The following AKT3 variants were observed in gnomAD, a reference collection of about 807,000 sequenced individuals.
AKT3 encodes the protein AKT serine/threonine kinase 3.
AKT3 carries 15 observed loss-of-function variants against 65.3 expected under a neutral mutation model. The observed-to-expected ratio is 0.23, with a 90% CI of 0.15 to 0.35. The LOEUF is 0.35. Ranked by LOEUF, AKT3 falls within the 10% of genes least tolerant of loss-of-function variation. The pLI is 1.00. For missense variants in AKT3, 243 were observed against 576.5 expected, an observed-to-expected ratio of 0.42 and a Z score of 5.92; for synonymous variants, 206 against 183.8, an observed-to-expected ratio of 1.12 and a Z score of -0.98.
chr1:243,695,828 A>C, intron 2 of AKT3, 112 bp from the exon 3 acceptor site: 1 of 901,800 alleles, frequency 1.1e-6, no homozygotes, highest in Non-Finnish European at 1.5e-6. Flanking sequence ...CCAAAAATTT[A>C]GTTACTCAAT....
intron 5 of AKT3, among the ~76,000 whole-genome samples, chr1:243,642,848 T>TA (rs1680541107): frequency 6.6e-6 from 1 of 152,058 alleles, no homozygotes; most frequent in South Asian, 2.1e-4. Context: ...CAAATTAGAT[T>TA]AAAAATAAAC....
At chr1:243,527,928 CACACACACAGAGAGAGAGAG>C (rs1671261764) in intron 12 of AKT3, among the ~76,000 whole-genome samples, 2 of 50,314 alleles carry the variant, frequency 4.0e-5, no homozygotes, top group African/African-American at 1.4e-4. Flanking sequence ...CACACACACA[CACACACACAGAGAGAGAGAG>C]AGAGAGAGAG....
At chr1:243,788,082 A>G (rs1340820355) in intron 2 of AKT3, among the ~76,000 whole-genome samples, 1 of 152,200 alleles carries the variant, frequency 6.6e-6, no homozygotes, top group Non-Finnish European at 1.5e-5. Flanking sequence ...TAATCCAGGT[A>G]TCTCTGAAAC....
At chr1:243,514,529 C>T (rs745576528) in intron 12 of AKT3, among the ~76,000 whole-genome samples, 3 of 152,176 alleles carry the variant, frequency 2.0e-5, no homozygotes, top group African/African-American at 7.2e-5. Context: ...GGCACGTATA[C>T]ATGCACACAT....
chr1:243,514,220 C>T (rs1046335984), intron 12 of AKT3, among the ~76,000 whole-genome samples: 1 of 152,144 alleles, frequency 6.6e-6, no homozygotes, highest in Admixed American at 6.5e-5. Flanking sequence ...GGTTTGCTCA[C>T]CTCTGCCCCA....
chr1:243,800,620 A>G (rs2148365125), intron 2 of AKT3, among the ~76,000 whole-genome samples: 1 of 152,234 alleles, frequency 6.6e-6, no homozygotes, highest in East Asian at 1.9e-4. Context: ...CGGGAGGCTG[A>G]GGCAGGAGAA....
chr1:243,788,258 T>A (rs147620740), intron 2 of AKT3, among the ~76,000 whole-genome samples: 1 of 152,178 alleles, frequency 6.6e-6, no homozygotes, highest in Admixed American at 6.5e-5. Context: ...GAAAAAAACA[T>A]GCTGAAACAA....
At chr1:243,517,833 G>A (rs953204240) in intron 12 of AKT3, among the ~76,000 whole-genome samples, 1 of 152,232 alleles carries the variant, frequency 6.6e-6, no homozygotes, top group East Asian at 1.9e-4. Flanking sequence ...TTACCATCTT[G>A]CTATTTGTTT....
chr1:243,736,630 G>C (rs374679696), intron 2 of AKT3, among the ~76,000 whole-genome samples: 1 of 152,100 alleles, frequency 6.6e-6, no homozygotes, highest in Non-Finnish European at 1.5e-5. Context: ...GAAGTGAATG[G>C]TATTATACAG....
At chr1:243,716,798 C>T (rs1003624290) in intron 2 of AKT3, among the ~76,000 whole-genome samples, 1 of 152,176 alleles carries the variant, frequency 6.6e-6, no homozygotes, top group Non-Finnish European at 1.5e-5. Flanking sequence ...CAAATATTTA[C>T]CCCTGATACT....
intron 12 of AKT3, among the ~76,000 whole-genome samples, chr1:243,543,560 A>G (rs895936073): frequency 6.6e-6 from 1 of 152,050 alleles, no homozygotes; most frequent in Non-Finnish European, 1.5e-5. Context: ...ACCATGCATG[A>G]TTTCTGGGAG....
intron 10 of AKT3, among the ~76,000 whole-genome samples, chr1:243,560,683 G>A (rs1379103737): frequency 6.6e-6 from 1 of 152,100 alleles, no homozygotes; most frequent in Non-Finnish European, 1.5e-5. Context: ...TGTCTTTAAA[G>A]AGAAACTGAT....
At chr1:243,743,635 T>C (rs1688299563) in intron 2 of AKT3, among the ~76,000 whole-genome samples, 1 of 152,184 alleles carries the variant, frequency 6.6e-6, no homozygotes, top group Non-Finnish European at 1.5e-5. Context: ...AATGCAAGTG[T>C]CATAAAATTT....
At chr1:243,703,767 A>G (rs1011153018) in intron 2 of AKT3, among the ~76,000 whole-genome samples, 1 of 146,276 alleles carries the variant, frequency 6.8e-6, no homozygotes, top group African/African-American at 2.4e-5. Flanking sequence ...TCTCAAAAAA[A>G]AAAAAAAAAA....
At chr1:243,525,768 TAAGA>T (rs755272323) in intron 12 of AKT3, among the ~76,000 whole-genome samples, 2 of 4,144 alleles carry the variant, frequency 4.8e-4, no homozygotes, top group Non-Finnish European at 9.8e-4. Context: ...CTTCCAAAAG[TAAGA>T]AAGAAAGAAA....
At chr1:243,722,814 C>A (rs971984204) in intron 2 of AKT3, among the ~76,000 whole-genome samples, 14 of 152,104 alleles carry the variant, frequency 9.2e-5, no homozygotes, top group Non-Finnish European at 1.8e-4. Flanking sequence ...CAACTATCAC[C>A]GTAAGAACCC....
intron 5 of AKT3, among the ~76,000 whole-genome samples, 160 bp downstream of exon 5, chr1:243,645,733 T>A (rs191313727): frequency 9.8e-4 from 149 of 152,352 alleles, no homozygotes; most frequent in Non-Finnish European, 9.1e-4. Flanking sequence ...CTATTTGGTT[T>A]TAAACAACAA....
intron 12 of AKT3, among the ~76,000 whole-genome samples, chr1:243,528,769 G>C (rs1671327382): frequency 1.3e-5 from 2 of 152,338 alleles, no homozygotes; most frequent in South Asian, 4.1e-4. Flanking sequence ...TATGAACAGT[G>C]TTGTAATGAA....
rs781285113 is a variant in AKT3 at position 243,500,092 on chromosome 1, C to T, written c.*5157G>A. The T allele has an allele frequency of 2.0e-4, 82 of 407,854 alleles. No individual in the cohort carries two copies. Among genetic ancestry groups the T allele is most frequent in the Non-Finnish European group, 3.1e-4 (71 of 228,322 alleles). 25.3% of individuals were successfully genotyped at this position (407,854 alleles called of 1,614,324 possible). On this transcript the variant is annotated 3_prime_UTR_variant, in exon 14 of 14. Coordinates refer to ENST00000673466, the MANE Select transcript of AKT3 (RefSeq NM_005465.7). The stretch of plus-strand genomic sequence containing the variant: ...TTTCAATAAATGAACTTTTTAAAGA[C>T]TTGAGTTGTAATGTTTCCTTTTTAT...
Sources: allele counts gnomAD v4.1 joint callset (sites outside exome capture counted in the v4.1 genomes callset), GRCh38; gene constraint gnomAD v4.1.1; transcripts MANE v1.5; gene names NCBI Gene and HGNC (gene_info 2026-07-23, HGNC 2026-07-21).